PTPRN2: variants seen among roughly 807,000 people sequenced by gnomAD.
PTPRN2 encodes the protein protein tyrosine phosphatase receptor type N2.
A neutral mutation model predicts 118.8 loss-of-function variants in PTPRN2; 74 were observed. The observed-to-expected ratio is 0.62, with a 90% CI of 0.52 to 0.76. The LOEUF is 0.76. Ranked by LOEUF, PTPRN2 falls within the 30% of genes least tolerant of loss-of-function variation. PTPRN2 has a pLI of 0.00. For synonymous variants in PTPRN2, 641 were observed against 608.0 expected (o/e 1.05, Z -0.80); for missense variants, 1,481 against 1,394.4 (o/e 1.06, Z -0.99).
intron 12 of PTPRN2, among the ~76,000 whole-genome samples, chr7:157,744,039 GC>G (rs1800784642): frequency 6.6e-6 from 1 of 152,238 alleles, no homozygotes; most frequent in South Asian, 2.1e-4. Context: ...CTCTGACGCA[GC>G]TTAGAAGAGC....
rs1803616222 is a variant in PTPRN2, at chr7:157,780,571, A to G, written c.1789-97634T>C. Among the ~76,000 whole-genome samples the G allele has an allele frequency of 2.6e-5, 4 of 152,200 alleles. 1 individual carries two copies. Among genetic ancestry groups the G allele is most frequent in the Admixed American group, 2.6e-4 (4 of 15,286 alleles). On this transcript the variant is annotated intron_variant, in intron 12 of 22. Coordinates refer to ENST00000389418, the MANE Select transcript of PTPRN2 (RefSeq NM_002847.5). This position sits in a 1 kb window ranked among gnomAD's most constrained non-coding sequence, Gnocchi z 4.5. ...TACAGCAGCCCTCTTGCTGGCTTCCAGTACTGGCTCTGCACGCCTTCACCG... is the reference window on the plus strand; with the variant it reads ...TACAGCAGCCCTCTTGCTGGCTTCCGGTACTGGCTCTGCACGCCTTCACCG...
intron 6 of PTPRN2, among the ~76,000 whole-genome samples, chr7:158,146,644 C>A (rs1169062680): frequency 4.0e-5 from 6 of 149,228 alleles, no homozygotes; most frequent in Non-Finnish European, 8.9e-5. Flanking sequence ...TGGTGTGAAC[C>A]CAGGAGGCGG....
At chr7:157,659,770 A>G (rs1795803604) in intron 13 of PTPRN2, among the ~76,000 whole-genome samples, 1 of 152,008 alleles carries the variant, frequency 6.6e-6, no homozygotes, top group Non-Finnish European at 1.5e-5. Context: ...TTTGATATGG[A>G]GCCTCACTCT....
At chr7:158,298,570 G>A (rs576964634) in intron 3 of PTPRN2, among the ~76,000 whole-genome samples, 17 of 152,302 alleles carry the variant, frequency 1.1e-4, no homozygotes, top group East Asian at 5.8e-4. Context: ...TTTATGTGCC[G>A]TGAATCTGGA....
intron 1 of PTPRN2, among the ~76,000 whole-genome samples, chr7:158,572,011 T>A (rs1828070687): frequency 6.6e-6 from 1 of 152,284 alleles, no homozygotes; most frequent in Middle Eastern, 3.4e-3. Flanking sequence ...AAGAGAAAGG[T>A]GCTAGTGAGC....
intron 11 of PTPRN2, among the ~76,000 whole-genome samples, chr7:157,932,405 G>A (rs1799414679): frequency 6.6e-6 from 1 of 152,160 alleles, no homozygotes; most frequent in African/African-American, 2.4e-5. Context: ...AGTCTTTCTT[G>A]GTCTTTGTGA....
chr7:158,191,076 T>C (rs1410424561), intron 5 of PTPRN2, among the ~76,000 whole-genome samples: 1 of 152,260 alleles, frequency 6.6e-6, no homozygotes, highest in Non-Finnish European at 1.5e-5. Context: ...GGTGCAAGGT[T>C]CCAGGAAGCC....
intron 15 of PTPRN2, among the ~76,000 whole-genome samples, chr7:157,607,161 G>A (rs888285347): frequency 6.6e-5 from 10 of 152,194 alleles, no homozygotes; most frequent in Non-Finnish European, 1.3e-4. Flanking sequence ...GCAGTGGCAG[G>A]AAATTGTAAT....
chr7:157,646,320 T>C (rs1171462352), intron 14 of PTPRN2, among the ~76,000 whole-genome samples: 5 of 152,042 alleles, frequency 3.3e-5, no homozygotes, highest in Non-Finnish European at 5.9e-5. Flanking sequence ...TTTCCTGAGA[T>C]GGTGTTGTTA....
chr7:158,523,555 G>A (rs71547549), intron 1 of PTPRN2, among the ~76,000 whole-genome samples: 2 of 107,102 alleles, frequency 1.9e-5, no homozygotes, highest in Admixed American at 1.0e-4. Context: ...GGAGTCCTCT[G>A]CCCTGGAGTG....
At chr7:158,123,700 A>C (rs1485811712) in intron 9 of PTPRN2, among the ~76,000 whole-genome samples, 1 of 152,242 alleles carries the variant, frequency 6.6e-6, no homozygotes, top group Non-Finnish European at 1.5e-5. Flanking sequence ...TAAGGATGAG[A>C]CTGTACTGCT....
At position 158,003,464 on chromosome 7, in the gene PTPRN2, G is replaced by A. The variant is rs1443466193; in HGVS notation, c.1723+77834C>T. On this transcript the variant is annotated intron_variant, in intron 11 of 22. Coordinates refer to ENST00000389418, the MANE Select transcript of PTPRN2 (RefSeq NM_002847.5). This position sits in a 1 kb window ranked among gnomAD's most constrained non-coding sequence, Gnocchi z 5.0. Reference sequence around the variant, plus strand: ...GTCCTGAGGGGGCCCCAATCCAATAGGACCTGTGTTCTTCAGGAAGAGGAA... The same window carrying A: ...GTCCTGAGGGGGCCCCAATCCAATAAGACCTGTGTTCTTCAGGAAGAGGAA... Among the ~76,000 whole-genome samples, 2 of 151,550 alleles carry A rather than the reference G, an allele frequency of 1.3e-5. No homozygotes were observed. The highest frequency in any genetic ancestry group is 1.3e-4 in the Admixed American group (2 of 15,254).
intron 2 of PTPRN2, among the ~76,000 whole-genome samples, chr7:158,336,531 G>A (rs1383657601): frequency 7.8e-6 from 1 of 127,950 alleles, no homozygotes; most frequent in Admixed American, 8.1e-5. Context: ...CATAAGAGGT[G>A]AAACCTGCCG....
At chr7:157,905,023 C>T (rs9918687) in intron 11 of PTPRN2, among the ~76,000 whole-genome samples, 3,695 of 152,298 alleles carry the variant, frequency 0.024, 128 homozygotes, top group African/African-American at 0.076. Flanking sequence ...TCTAAATGGC[C>T]GCGTGGATTC....
chr7:157,650,877 C>G (rs1055381591), intron 14 of PTPRN2, among the ~76,000 whole-genome samples: 7 of 152,210 alleles, frequency 4.6e-5, no homozygotes, highest in Admixed American at 1.3e-4. Flanking sequence ...AACTAAGAAG[C>G]CTGGAGCCTG....
intron 2 of PTPRN2, among the ~76,000 whole-genome samples, chr7:158,422,678 G>T (rs546429700): frequency 6.9e-6 from 1 of 145,230 alleles, no homozygotes; most frequent in African/African-American, 2.8e-5. Context: ...CCAGGCTGAC[G>T]CTGCCGGCTT....
chr7:157,847,870 A>G (rs1808974999), intron 12 of PTPRN2, among the ~76,000 whole-genome samples: 1 of 148,908 alleles, frequency 6.7e-6, no homozygotes, highest in Non-Finnish European at 1.5e-5. Flanking sequence ...GCCCTCTCTC[A>G]TTACATCATG....
chr7:158,056,694 T>C (rs1014543480), intron 11 of PTPRN2, among the ~76,000 whole-genome samples: 3 of 152,208 alleles, frequency 2.0e-5, no homozygotes, highest in African/African-American at 4.8e-5. Context: ...CTATTTCTTA[T>C]AGCTACATTT....
At chr7:158,106,252 T>G (rs1815671509) in intron 10 of PTPRN2, among the ~76,000 whole-genome samples, 1 of 151,836 alleles carries the variant, frequency 6.6e-6, no homozygotes, top group African/African-American at 2.4e-5. Context: ...CCCTCTAGCT[T>G]CCCCCCAGCT....
Sources: gnomAD v4.1 joint callset for allele counts (sites outside exome capture counted in the v4.1 genomes callset) on GRCh38, gnomAD v4.1.1 for gene constraint, Gnocchi (gnomAD v3.1) non-coding constraint, MANE v1.5 for transcripts, NCBI Gene and HGNC (gene_info 2026-07-23, HGNC 2026-07-21) for gene names.